Variants in TAOK2 observed in about 807,000 individuals in gnomAD.
TAOK2 encodes the protein TAO kinase 2.
TAOK2 carries 42 observed loss-of-function variants against 122.5 expected under a neutral mutation model. That is an observed-to-expected ratio of 0.34 (90% CI 0.27 to 0.44). TAOK2 has a LOEUF of 0.44. Among genes scored for constraint, TAOK2 ranks in the 20% least tolerant of loss-of-function variants. The pLI is 1.00. For synonymous variants in TAOK2, 704 were observed against 677.6 expected, an observed-to-expected ratio of 1.04 and a Z score of -0.61; for missense variants, 1,264 against 1,644.9, an observed-to-expected ratio of 0.77 and a Z score of 4.01.
rs368747234 is a variant in TAOK2 at position 29,983,209 on chromosome 16, A to AGAGGAG, written c.1152_1157dup (p.Glu391_Glu392dup). 9.3e-6 allele frequency: 15 copies of AGAGGAG among 1,612,966 alleles called. No homozygotes were observed. Among genetic ancestry groups the AGAGGAG allele is most frequent in the Admixed American group, 1.7e-5 (1 of 59,940 alleles). On this transcript the variant is annotated inframe_insertion, in exon 12 of 16. Transcript: ENST00000308893. ...TAGCAGATGCCTCAGACAACGAGGAAGAGGAGGAGGAGGAGGAGGAAGAGG... is the reference window on the plus strand; with the variant it reads ...TAGCAGATGCCTCAGACAACGAGGAAGAGGAGGAGGAGGAGGAGGAGGAGGAAGAGG...
At chr16:29,991,648 C>G, downstream of TAOK2, 2 of 1,394,354 alleles carry the variant, frequency 1.4e-6, no homozygotes, top group East Asian at 2.9e-5. This position sits in a 1 kb window ranked among gnomAD's most constrained non-coding sequence, Gnocchi z 5.6. Context: ...GAGCTGGAGG[C>G]CCCTGCAAGG....
In TAOK2 at chr16:29,986,119, G is replaced by A; in HGVS notation, c.1993-146G>A. 7.8e-7 allele frequency: 1 copy of A among 1,281,878 alleles called. No individual in the cohort carries two copies. Among genetic ancestry groups the A allele is most frequent in the Non-Finnish European group, 1.1e-6 (1 of 928,664 alleles). The allele number at this position is 1,281,878 out of a possible 1,614,324, so 79.4% of individuals were successfully genotyped here. A position where few individuals can be genotyped will look rare whatever the true frequency, so the allele number is the denominator to read the frequency against. On this transcript the variant is annotated intron_variant, in intron 15 of 15. Coordinates refer to ENST00000308893, the MANE Select transcript of TAOK2 (RefSeq NM_016151.4). This position sits in a 1 kb window ranked among gnomAD's most constrained non-coding sequence, Gnocchi z 4.2. The stretch of plus-strand genomic sequence containing the variant: ...CATCCCCAGCTCCCTCTGCCAAGGA[G>A]CCCTGGCCCCTCACTTCCTTGATAC...
At position 29,985,969 on chromosome 16, in the gene TAOK2, T is replaced by TA; in HGVS notation, c.1992+109dup. On this transcript the variant is annotated intron_variant, in intron 15 of 15. Transcript: ENST00000308893. This position sits in a 1 kb window ranked among gnomAD's most constrained non-coding sequence, Gnocchi z 6.9. Reference sequence around the variant, plus strand: ...TTCTTTCTCCTTGGCCCTCGAGTGTTACAGTTCAGCTTTGCTTCAGTGCCC... The same window carrying TA: ...TTCTTTCTCCTTGGCCCTCGAGTGTTAACAGTTCAGCTTTGCTTCAGTGCCC... 1 of 1,360,912 alleles carries TA rather than the reference T, an allele frequency of 7.3e-7. No individual in the cohort carries two copies. Among genetic ancestry groups the TA allele is most frequent in the Non-Finnish European group, 1.0e-6 (1 of 992,390 alleles). The allele number at this position is 1,360,912 out of a possible 1,614,324, so 84.3% of individuals were successfully genotyped here. A position where few individuals can be genotyped will look rare whatever the true frequency, so the allele number is the denominator to read the frequency against.
At chr16:29,991,021 T>C (rs749001714), downstream of TAOK2, 25 of 1,583,330 alleles carry the variant, frequency 1.6e-5, no homozygotes, top group Non-Finnish European at 2.0e-5. The surrounding 1 kb of genome is among the most constrained non-coding windows in gnomAD (Gnocchi z 5.6). Flanking sequence ...TGCCCCCGAC[T>C]CTAACCTCTG....
rs1318448458 is a variant in TAOK2 at position 29,987,879 on chromosome 16, C to T, written c.3607C>T (p.Arg1203Cys). 9 of 1,602,570 alleles carry T rather than the reference C, an allele frequency of 5.6e-6. No individual in the cohort carries two copies. Among genetic ancestry groups the T allele is most frequent in the African/African-American group, 2.7e-5 (2 of 74,762 alleles). The change falls in exon 16 of 16, where the codon CGC (arginine) becomes TGC (cysteine). Residue 1203 changes from arginine to cysteine, a missense_variant. Arg to Cys is a radical substitution (Grantham distance 180, BLOSUM62 -3). Around this residue, in one of 4 missense-constraint regions of TAOK2, gnomAD observed 824 missense variants for 908.7 expected, o/e 0.91. Coordinates refer to ENST00000308893, the MANE Select transcript of TAOK2 (RefSeq NM_016151.4). ...CCCCCGGCTACTACCACGCAGCCAGCGCCAGCTAGGGCCCCCTGCCTCCCG... is the reference window on the plus strand; with the variant it reads ...CCCCCGGCTACTACCACGCAGCCAGTGCCAGCTAGGGCCCCCTGCCTCCCG... ...RIPRLLPRSQ[R>C]QLGPPASRQP...
Position 29,986,654 on chromosome 16 carries a change from A to G in TAOK2, c.2382A>G (p.Glu794=), listed in dbSNP as rs369242417. The stretch of plus-strand genomic sequence containing the variant: ...AAAGAATGCTTGGCGAGGAGGAGGA[A>G]GCAGTTGGAGAGAGAAGGATTCTGG... ...LDQRMLGEEE[E]AVGERRILGK... Residue 794 remains glutamate, a synonymous_variant, in exon 16 of 16, where the codon GAA becomes GAG. Coordinates refer to ENST00000308893, the MANE Select transcript of TAOK2 (RefSeq NM_016151.4). The surrounding 1 kb of genome is among the most constrained non-coding windows in gnomAD (Gnocchi z 4.2). The G allele has an allele frequency of 8.1e-6, 13 of 1,612,278 alleles. 1 individual carries two copies. The highest frequency in any genetic ancestry group is 1.7e-5 in the Admixed American group (1 of 59,548).
chr16:29,986,443 G>T lies in TAOK2; in HGVS notation c.2171G>T (p.Arg724Leu), dbSNP rs867355297. 1 of 1,607,248 alleles carries T rather than the reference G, an allele frequency of 6.2e-7. No individual in the cohort carries two copies. The highest frequency in any genetic ancestry group is 8.5e-7 in the Non-Finnish European group (1 of 1,176,968). The change falls in exon 16 of 16, where the codon CGT becomes CTT. Residue 724 changes from arginine (R) to leucine (L), a missense_variant. Coordinates refer to ENST00000308893, the MANE Select transcript of TAOK2 (RefSeq NM_016151.4). This position sits in a 1 kb window ranked among gnomAD's most constrained non-coding sequence, Gnocchi z 4.2. ...LGNQLEYNKR[R>L]EQELRQKHAA... ...AACCAGCTGGAGTACAACAAGCGGC[G>T]TGAGCAAGAGTTGCGGCAGAAGCAT...
rs1386636274 is a variant in TAOK2, at chr16:29,983,248, A to C, written c.1176A>C (p.Glu392Asp). 2 of 1,610,522 alleles carry C rather than the reference A, an allele frequency of 1.2e-6. No homozygotes were observed. Among genetic ancestry groups the C allele is most frequent in the Non-Finnish European group, 1.7e-6 (2 of 1,179,870 alleles). ...EEEEEEEEEE[E>D]GPEAREMAMM... ...AGGAGGAAGAGGAGGAGGAGGAAGA[A>C]GGCCCTGAAGCCCGGGAGATGGCCA... is the stretch of plus-strand genomic sequence containing the variant. Residue 392 changes from glutamate to aspartate, a missense_variant, in exon 12 of 16, where the codon GAA (glutamate) becomes GAC (aspartate). Physicochemically the swap from Glu to Asp is conservative, Grantham distance 45. Coordinates refer to ENST00000308893, the MANE Select transcript of TAOK2 (RefSeq NM_016151.4).
At position 29,977,877 on chromosome 16, in the gene TAOK2, C is replaced by T; in HGVS notation, c.105C>T (p.Gly35=). 6.2e-7 allele frequency: 1 copy of T among 1,614,136 alleles called. No individual in the cohort carries two copies. ...EKLFSDLREI[G]HGSFGAVYFA... ...TCTTCTCTGACCTCCGGGAAATTGG[C>T]CATGGCAGCTTTGGAGCCGTATACT... The change falls in exon 2 of 16, where the codon GGC becomes GGT. Residue 35 remains glycine (G), a synonymous_variant. Transcript: ENST00000308893.
chr16:29,987,985 C>T lies in TAOK2; in HGVS notation c.*5C>T. On this transcript the variant is annotated 3_prime_UTR_variant, in exon 16 of 16. Transcript: ENST00000308893. ...GCCCTGCCCCCCTGGAGGTAGCTGACTCCAGCCCTTCCAGCCCAAATCTAG... is the reference window on the plus strand; with the variant it reads ...GCCCTGCCCCCCTGGAGGTAGCTGATTCCAGCCCTTCCAGCCCAAATCTAG... The T allele has an allele frequency of 6.6e-7, 1 of 1,518,008 alleles. No individual in the cohort carries two copies. Among genetic ancestry groups the T allele is most frequent in the Non-Finnish European group, 8.8e-7 (1 of 1,140,880 alleles). 94.0% of individuals were successfully genotyped at this position (1,518,008 alleles called of 1,614,324 possible).
Position 29,979,216 on chromosome 16 carries a change from C to G in TAOK2, c.471C>G (p.Ile157Met), listed in dbSNP as rs1349545690. 6.2e-7 allele frequency: 1 copy of G among 1,614,080 alleles called. No individual in the cohort carries two copies. The highest frequency in any genetic ancestry group is 1.3e-5 in the African/African-American group (1 of 74,930). Residue 157 changes from isoleucine (I) to methionine (M), a missense_variant, in exon 7 of 16, where the codon ATC becomes ATG. Physicochemically the swap from Ile to Met is conservative, Grantham distance 10. Coordinates refer to ENST00000308893, the MANE Select transcript of TAOK2 (RefSeq NM_016151.4). The surrounding 1 kb of genome is among the most constrained non-coding windows in gnomAD (Gnocchi z 4.1). Reference protein sequence around the residue: ...MIHRDVKAGNILLSEPGLVKL... With the variant: ...MIHRDVKAGNMLLSEPGLVKL... ...GCAGGGATGTGAAGGCTGGAAACAT[C>G]CTGCTGTCAGAGCCAGGGTTAGTGA...
chr16:29,982,586 G>GTT, intron 10 of TAOK2, 148 bp from the exon 11 acceptor site: 1 of 840,866 alleles, frequency 1.2e-6, no homozygotes. Context: ...ACAGAAAATT[G>GTT]TGAGAGAAGG....
In TAOK2 at chr16:29,979,338, G is replaced by T. The variant is rs1229399800; in HGVS notation, c.563+30G>T. ...GTGAGTGAGTGGTGGTGAGTGGAGA[G>T]ACCTCCCAGGGATGTTGGGAGTAGG... is the stretch of plus-strand genomic sequence containing the variant. On this transcript the variant is annotated intron_variant, in intron 7 of 15. Coordinates refer to ENST00000308893, the MANE Select transcript of TAOK2 (RefSeq NM_016151.4). The surrounding 1 kb of genome is among the most constrained non-coding windows in gnomAD (Gnocchi z 4.1). 7 of 1,611,924 alleles carry T rather than the reference G, an allele frequency of 4.3e-6. No individual in the cohort carries two copies. The South Asian group carries it at 7.7e-5, about 18-fold the overall frequency.
At position 29,986,557 on chromosome 16, in the gene TAOK2, T is replaced by A; in HGVS notation, c.2285T>A (p.Leu762Gln). Residue 762 changes from leucine (L) to glutamine (Q), a missense_variant, in exon 16 of 16, where the codon CTG (leucine) becomes CAG (glutamine). Physicochemically the swap from Leu to Gln is moderately radical, Grantham distance 113 (BLOSUM62 -2). Coordinates refer to ENST00000308893, the MANE Select transcript of TAOK2 (RefSeq NM_016151.4). This position sits in a 1 kb window ranked among gnomAD's most constrained non-coding sequence, Gnocchi z 4.2. ...PGLPLPIPGALGPPNTGTPIE... is the reference protein window; with the variant it reads ...PGLPLPIPGAQGPPNTGTPIE... ...CTTCCACTCCCCATTCCTGGGGCTC[T>A]GGGCCCACCCAACACAGGCACCCCT... 6.2e-7 allele frequency: 1 copy of A among 1,613,876 alleles called. No homozygotes were observed. The highest frequency in any genetic ancestry group is 8.5e-7 in the Non-Finnish European group (1 of 1,179,916).
chr16:29,979,089 G>T lies in TAOK2; in HGVS notation c.449+19G>T. The T allele has an allele frequency of 6.2e-7, 1 of 1,613,994 alleles. No homozygotes were observed. The highest frequency in any genetic ancestry group is 8.5e-7 in the Non-Finnish European group (1 of 1,179,874). ...TCCATAGGTACAAGCAGCACCGGCA[G>T]TGCCTGGGAGGGGAGTGCTATCTGC... On this transcript the variant is annotated intron_variant, in intron 6 of 15. Transcript: ENST00000308893. This position sits in a 1 kb window ranked among gnomAD's most constrained non-coding sequence, Gnocchi z 4.1.
intron 8 of TAOK2, 108 bp from the exon 9 acceptor site, chr16:29,981,553 C>G (rs780866213): frequency 2.1e-5 from 20 of 953,220 alleles, no homozygotes; most frequent in South Asian, 2.7e-5. Flanking sequence ...GGTCATGTGG[C>G]AAGGAAGTCA....
rs1450655059 is a variant in TAOK2, at chr16:29,979,886, G to A, written c.655+378G>A. ...TTCAATGTGATGAACGCTGTGTGGA[G>A]AAGTTACAGGAGCGGTTCAAATGTA... On this transcript the variant is annotated intron_variant, in intron 8 of 15. Coordinates refer to ENST00000308893, the MANE Select transcript of TAOK2 (RefSeq NM_016151.4). This position sits in a 1 kb window ranked among gnomAD's most constrained non-coding sequence, Gnocchi z 4.1. Among the ~76,000 whole-genome samples the A allele has an allele frequency of 6.6e-6, 1 of 152,218 alleles. No individual in the cohort carries two copies. Among genetic ancestry groups the A allele is most frequent in the Admixed American group, 6.5e-5 (1 of 15,292 alleles).
In TAOK2 at chr16:29,987,863, A is replaced by G. The variant is rs1183410531; in HGVS notation, c.3591A>G (p.Leu1197=). The G allele has an allele frequency of 1.2e-6, 2 of 1,608,786 alleles. No individual in the cohort carries two copies. The highest frequency in any genetic ancestry group is 8.5e-7 in the Non-Finnish European group (1 of 1,179,078). ...AACGGCCCACCCGAATCCCCCGGCT[A>G]CTACCACGCAGCCAGCGCCAGCTAG... ...RGERPTRIPR[L]LPRSQRQLGP... is the part of the protein sequence containing the mutation. Residue 1197 remains leucine, a synonymous_variant, in exon 16 of 16, where the codon CTA becomes CTG. Transcript: ENST00000308893.
Position 29,979,234 on chromosome 16 carries a change from G to A in TAOK2, c.489G>A (p.Gly163=), listed in dbSNP as rs1206298998. 6.2e-7 allele frequency: 1 copy of A among 1,614,232 alleles called. No individual in the cohort carries two copies. Among genetic ancestry groups the A allele is most frequent in the Admixed American group, 1.7e-5 (1 of 60,030 alleles). The change falls in exon 7 of 16, where the codon GGG becomes GGA. Residue 163 remains glycine, a synonymous_variant. Coordinates refer to ENST00000308893, the MANE Select transcript of TAOK2 (RefSeq NM_016151.4). This position sits in a 1 kb window ranked among gnomAD's most constrained non-coding sequence, Gnocchi z 4.1. ...KAGNILLSEP[G]LVKLGDFGSA... is the part of the protein sequence containing the mutation. ...GAAACATCCTGCTGTCAGAGCCAGG[G>A]TTAGTGAAGCTAGGGGACTTTGGTT... is the stretch of plus-strand genomic sequence containing the variant.
Sources: gnomAD v4.1 joint callset for allele counts (sites outside exome capture counted in the v4.1 genomes callset) on GRCh38, gnomAD v4.1.1 for gene constraint, gnomAD v4.1.1 regional missense constraint, Gnocchi (gnomAD v3.1) non-coding constraint, MANE v1.5 for transcripts, NCBI Gene and HGNC (gene_info 2026-07-23, HGNC 2026-07-21) for gene names.